Variants in JAK1 observed in about 807,000 individuals in gnomAD.
JAK1 encodes Janus kinase 1, also known as tyrosine-protein kinase JAK1.
JAK1 carries 16 observed loss-of-function variants against 136.6 expected under a neutral mutation model. That is an observed-to-expected ratio of 0.12 (90% CI 0.08 to 0.18). The LOEUF is 0.18. Among genes scored for constraint, JAK1 ranks in the 10% least tolerant of loss-of-function variants. The pLI, the probability that JAK1 is intolerant of heterozygous loss-of-function variation, is 1.00. For missense variants in JAK1, 859 were observed against 1,450.1 expected, an observed-to-expected ratio of 0.59 and a Z score of 6.62; for synonymous variants, 492 against 519.5, an observed-to-expected ratio of 0.95 and a Z score of 0.72.
intron 2 of JAK1, among the ~76,000 whole-genome samples, chr1:65,038,445 C>T (rs1408609454): frequency 6.6e-6 from 1 of 151,882 alleles, no homozygotes; most frequent in East Asian, 1.9e-4. Flanking sequence ...GTGATCTGCC[C>T]GCCTCGGCCT....
intron 1 of JAK1, among the ~76,000 whole-genome samples, chr1:65,044,632 GA>G (rs1256055819): frequency 6.6e-6 from 1 of 152,222 alleles, no homozygotes; most frequent in Non-Finnish European, 1.5e-5. Flanking sequence ...AGTGGAGCCT[GA>G]AAGAGTAGTT....
intron 1 of JAK1, among the ~76,000 whole-genome samples, chr1:64,954,679 G>A (rs1646150922): frequency 6.6e-6 from 1 of 152,188 alleles, no homozygotes; most frequent in Admixed American, 6.5e-5. Flanking sequence ...AAGGAGAGTT[G>A]AGGCTACCTA....
intron 1 of JAK1, among the ~76,000 whole-genome samples, chr1:64,954,171 T>A (rs767001416): frequency 7.2e-5 from 11 of 152,284 alleles, no homozygotes; most frequent in Middle Eastern, 3.4e-3. Context: ...AAAAGTCTCT[T>A]TGAAGAGTAG....
chr1:64,904,908 C>T lies in JAK1; in HGVS notation c.-77-18567G>A, dbSNP rs142519420. 3.8e-3 allele frequency among the ~76,000 whole-genome samples: 580 copies of T among 152,110 alleles called. 1 individual carries two copies. Among genetic ancestry groups the T allele is most frequent in the Middle Eastern group, 0.017 (5 of 294 alleles). ...AGCAGATATTCCAGAAGGTAATGCC[C>T]GGAAAAAGTTATATTTACCTACTAC... On this transcript the variant is annotated intron_variant, in intron 1 of 24. Transcript: ENST00000342505.
At chr1:65,045,902 C>T (rs1314185882) in intron 1 of JAK1, among the ~76,000 whole-genome samples, 1 of 152,180 alleles carries the variant, frequency 6.6e-6, no homozygotes, top group Non-Finnish European at 1.5e-5. Flanking sequence ...GATCCAAGCT[C>T]CACCAATTAC....
At chr1:65,004,691 C>A (rs916278905) in intron 2 of JAK1, among the ~76,000 whole-genome samples, 12 of 152,184 alleles carry the variant, frequency 7.9e-5, no homozygotes, top group African/African-American at 2.4e-4. Flanking sequence ...ACTAAAAATT[C>A]TTTTACGTGT....
At chr1:65,046,930 A>C (rs1569941881) in intron 1 of JAK1, among the ~76,000 whole-genome samples, 1 of 126,674 alleles carries the variant, frequency 7.9e-6, no homozygotes, top group Admixed American at 8.9e-5. Flanking sequence ...ACAATGGCCC[A>C]CACCTGTAAT....
At position 64,860,149 on chromosome 1, in the gene JAK1, C is replaced by CG. The variant is rs755650243; in HGVS notation, c.1289dup (p.Leu431ValfsTer22). 5.0e-6 allele frequency: 8 copies of CG among 1,600,110 alleles called. No homozygotes were observed. The highest frequency in any genetic ancestry group is 2.6e-6 in the Non-Finnish European group (3 of 1,170,646). On this transcript the variant is annotated frameshift_variant, in exon 9 of 25. Coordinates refer to ENST00000342505, the MANE Select transcript of JAK1 (RefSeq NM_002227.4). LOFTEE classifies it high-confidence loss of function. ...CATTCTGTATGTTGTGGACGATCAA[C>CG]GGGGGGGCCACGTCGGTGCAGAGGT...
chr1:65,021,697 G>A (rs991729040), intron 2 of JAK1, among the ~76,000 whole-genome samples: 2 of 152,116 alleles, frequency 1.3e-5, no homozygotes, highest in African/African-American at 4.8e-5. Flanking sequence ...TGCTGTTAAG[G>A]ATATATTACC....
chr1:65,015,438 TAAAG>T (rs1350592125), intron 2 of JAK1, among the ~76,000 whole-genome samples: 1 of 150,366 alleles, frequency 6.7e-6, no homozygotes, highest in Admixed American at 6.6e-5. Flanking sequence ...TAAAAAATAA[TAAAG>T]ACAGAATATA....
chr1:64,911,098 AATT>A (rs1246194348), intron 1 of JAK1, among the ~76,000 whole-genome samples: 1 of 148,180 alleles, frequency 6.7e-6, no homozygotes, highest in African/African-American at 2.5e-5. Flanking sequence ...AAAAAAAAAC[AATT>A]ATTATCTACT....
rs188476493 is a variant in JAK1, at chr1:65,028,435, C to T, written c.-78+16045G>A. On this transcript the variant is annotated intron_variant, in intron 2 of 25. Transcript: ENST00000671954. ...AATAGTGACTAGCATATAGCAAATGCCATTAACTATGTGGCAAATGGAAGG... is the reference window on the plus strand; with the variant it reads ...AATAGTGACTAGCATATAGCAAATGTCATTAACTATGTGGCAAATGGAAGG... 6.9e-3 allele frequency among the ~76,000 whole-genome samples: 919 copies of T among 134,112 alleles called. 11 individuals are homozygous for T. The highest frequency in any genetic ancestry group is 0.024 in the African/African-American group (884 of 36,158). 88.0% of individuals were successfully genotyped at this position (134,112 alleles called of 152,430 possible). A position where few individuals can be genotyped will look rare whatever the true frequency, so the allele number is the denominator to read the frequency against.
At chr1:64,845,708 C>T (rs968727756) in intron 14 of JAK1, 68 bp from the exon 15 acceptor site, 110 of 1,589,052 alleles carry the variant, frequency 6.9e-5, no homozygotes, top group African/African-American at 2.4e-4. Context: ...CATCCCCTTA[C>T]GACAGTCCAC....
chr1:64,958,211 G>C (rs1362014855), intron 1 of JAK1, among the ~76,000 whole-genome samples: 1 of 152,212 alleles, frequency 6.6e-6, no homozygotes, highest in African/African-American at 2.4e-5. Context: ...TAGGTGGCCT[G>C]CTTCCTAAAT....
intron 2 of JAK1, among the ~76,000 whole-genome samples, chr1:65,018,407 A>G (rs1019692822): frequency 3.3e-5 from 5 of 151,980 alleles, no homozygotes; most frequent in African/African-American, 7.2e-5. Context: ...TTCTTTGAGA[A>G]GACTAAAAAA....
chr1:64,922,789 A>G (rs1011188895), intron 1 of JAK1, among the ~76,000 whole-genome samples: 1 of 152,172 alleles, frequency 6.6e-6, no homozygotes, highest in Non-Finnish European at 1.5e-5. Flanking sequence ...CAAAAATATC[A>G]AAAAGACCAT....
intron 24 of JAK1, among the ~76,000 whole-genome samples, chr1:64,834,895 G>C (rs1654374343): frequency 6.6e-6 from 1 of 152,154 alleles, no homozygotes; most frequent in Admixed American, 6.5e-5. Flanking sequence ...TAAAATCCAG[G>C]TCATTCCTGT....
At chr1:64,878,571 A>ATC (rs1285238556) in intron 4 of JAK1, among the ~76,000 whole-genome samples, 1 of 43,800 alleles carries the variant, frequency 2.3e-5, no homozygotes, top group Non-Finnish European at 4.4e-5. Flanking sequence ...GTATATATAT[A>ATC]TATATATATA....
At chr1:64,857,835 C>T in intron 9 of JAK1, 56 bp from the exon 10 acceptor site, 2 of 1,601,956 alleles carry the variant, frequency 1.2e-6, no homozygotes, top group Non-Finnish European at 1.7e-6. Context: ...GGACTTTGAA[C>T]CTCTGGGCTA....
Sources: gnomAD v4.1 joint callset for allele counts (sites outside exome capture counted in the v4.1 genomes callset) on GRCh38, gnomAD v4.1.1 for gene constraint, MANE v1.5 for transcripts, NCBI Gene and HGNC (gene_info 2026-07-23, HGNC 2026-07-21) for gene names.